LPCAT1: variants seen among roughly 807,000 people sequenced by gnomAD.
LPCAT1 encodes the protein lysophosphatidylcholine acyltransferase 1.
In LPCAT1, 23 loss-of-function variants were observed where a neutral mutation model predicts 60.9. The ratio of observed to expected loss-of-function variants is 0.38; its 90% confidence interval spans 0.27 to 0.53. LPCAT1 has a LOEUF of 0.53. Among genes scored for constraint, LPCAT1 ranks in the 20% least tolerant of loss-of-function variants. The probability of loss-of-function intolerance (pLI) is 0.82; values close to 1 mark genes in which losing one functional copy is unlikely to be tolerated. For missense variants in LPCAT1, 622 were observed against 723.6 expected (o/e 0.86, Z 1.61); for synonymous variants, 340 against 301.1 (o/e 1.13, Z -1.34).
At chr5:1,486,949 T>G (rs1165151935) in intron 5 of LPCAT1, among the ~76,000 whole-genome samples, 2 of 152,198 alleles carry the variant, frequency 1.3e-5, no homozygotes, top group Non-Finnish European at 2.9e-5. Flanking sequence ...GAGCTCCTAC[T>G]GGGCACCGCC....
rs748237543 is a variant in LPCAT1 at position 1,481,021 on chromosome 5, A to G, written c.727-45T>C. 3.8e-6 allele frequency: 4 copies of G among 1,060,202 alleles called. No homozygotes were observed. Among genetic ancestry groups the G allele is most frequent in the Admixed American group, 3.0e-5 (1 of 33,624 alleles). 65.7% of individuals were successfully genotyped at this position (1,060,202 alleles called of 1,614,324 possible). The stretch of plus-strand genomic sequence containing the variant: ...GTCAGTCAGCATGGGGCCTGCACCC[A>G]GGGCCTGCACCAAGCACCTGCGTGT... On this transcript the variant is annotated intron_variant, in intron 6 of 13. Transcript: ENST00000283415. The surrounding 1 kb of genome is among the most constrained non-coding windows in gnomAD (Gnocchi z 7.8).
In LPCAT1 at chr5:1,463,411, G is replaced by C. The variant is rs1734187509; in HGVS notation, c.*240C>G. On this transcript the variant is annotated 3_prime_UTR_variant, in exon 14 of 14. Transcript: ENST00000283415. ...CCGGCAGGGAACCTGACCCCACGGG[G>C]TCCAGGCCAGGCGGGGGATCCGCGT... is the stretch of plus-strand genomic sequence containing the variant. The C allele has an allele frequency of 1.9e-6, 1 of 534,038 alleles. No individual in the cohort carries two copies. The highest frequency in any genetic ancestry group is 3.5e-5 in the Admixed American group (1 of 28,356). 33.1% of individuals were successfully genotyped at this position (534,038 alleles called of 1,614,324 possible).
intron 12 of LPCAT1, among the ~76,000 whole-genome samples, chr5:1,470,508 G>T (rs1417147101): frequency 6.6e-6 from 1 of 152,224 alleles, no homozygotes; most frequent in African/African-American, 2.4e-5. Context: ...AGGACAAGGT[G>T]TGTGGCCCCT....
intron 4 of LPCAT1, 86 bp downstream of exon 4, chr5:1,489,660 G>A (rs1735499712): frequency 2.0e-6 from 2 of 987,818 alleles, no homozygotes; most frequent in Non-Finnish European, 1.6e-6. Context: ...CCCGGAGGAA[G>A]GGCCCCAGTT....
Position 1,474,128 on chromosome 5 carries a change from G to A in LPCAT1, c.1026-18C>T, listed in dbSNP as rs756748147. 6.2e-7 allele frequency: 1 copy of A among 1,602,840 alleles called. No individual in the cohort carries two copies. Among genetic ancestry groups the A allele is most frequent in the Non-Finnish European group, 8.5e-7 (1 of 1,173,218 alleles). ...GTTTTAGCCTAGACAAAAAAAGAGG[G>A]AAAGCTTTCTTTTTCAATAAAATGG... is the stretch of plus-strand genomic sequence containing the variant. On this transcript the variant is annotated intron_variant, in intron 10 of 13. Transcript: ENST00000283415.
At chr5:1,510,068 C>T (rs978270335) in intron 1 of LPCAT1, among the ~76,000 whole-genome samples, 4 of 151,956 alleles carry the variant, frequency 2.6e-5, no homozygotes, top group Admixed American at 6.6e-5. Context: ...CATCTTGTGC[C>T]AAATTTATGG....
intron 13 of LPCAT1, among the ~76,000 whole-genome samples, chr5:1,464,816 C>T (rs906656748): frequency 3.3e-5 from 5 of 151,238 alleles, no homozygotes; most frequent in African/African-American, 7.3e-5. Context: ...AGCACACACA[C>T]GGTAATCACA....
chr5:1,518,139 CCCACAGGGTGGGGGATG>C (rs1736562204), intron 1 of LPCAT1, among the ~76,000 whole-genome samples: 1 of 152,214 alleles, frequency 6.6e-6, no homozygotes, highest in Admixed American at 6.5e-5. Flanking sequence ...GACCCTGGGT[CCCACAGGGTGGGGGATG>C]CACCGTGGCC....
intron 11 of LPCAT1, among the ~76,000 whole-genome samples, chr5:1,472,214 G>C (rs13186893): frequency 6.6e-6 from 1 of 151,248 alleles, no homozygotes; most frequent in African/African-American, 2.4e-5. Context: ...GGAGCACCCA[G>C]GGGCGGAGGG....
intron 8 of LPCAT1, among the ~76,000 whole-genome samples, chr5:1,478,451 A>T (rs1205074791): frequency 6.6e-6 from 1 of 152,280 alleles, no homozygotes; most frequent in African/African-American, 2.4e-5. Flanking sequence ...AACTCTTAAA[A>T]TTAGAAACCA....
At chr5:1,486,912 G>A (rs1328926222) in intron 5 of LPCAT1, among the ~76,000 whole-genome samples, 1 of 152,178 alleles carries the variant, frequency 6.6e-6, no homozygotes, top group Non-Finnish European at 1.5e-5. Flanking sequence ...GGGGCACAGC[G>A]AGCGCCCTTC....
rs775755571 is a variant in LPCAT1, at chr5:1,487,748, C to T, written c.667+643G>A. 3.3e-5 allele frequency among the ~76,000 whole-genome samples: 5 copies of T among 152,062 alleles called. No homozygotes were observed. The highest frequency in any genetic ancestry group is 2.1e-4 in the South Asian group (1 of 4,820). The stretch of plus-strand genomic sequence containing the variant: ...ACTTTCTAAAGTAGCCCAAGGGAGA[C>T]GACAGGATCCAGGTGGACCCTCTGA... On this transcript the variant is annotated intron_variant, in intron 5 of 13. Coordinates refer to ENST00000283415, the MANE Select transcript of LPCAT1 (RefSeq NM_024830.5). The surrounding 1 kb of genome is among the most constrained non-coding windows in gnomAD (Gnocchi z 6.1).
At position 1,523,760 on chromosome 5, in the gene LPCAT1, GC is replaced by G; in HGVS notation, c.84del (p.Arg29GlyfsTer21). The G allele has an allele frequency of 8.6e-7, 1 of 1,159,676 alleles. No individual in the cohort carries two copies. Among genetic ancestry groups the G allele is most frequent in the Non-Finnish European group, 1.1e-6 (1 of 936,670 alleles). The allele number at this position is 1,159,676 out of a possible 1,614,324, so 71.8% of individuals were successfully genotyped here. A position where few individuals can be genotyped will look rare whatever the true frequency, so the allele number is the denominator to read the frequency against. On this transcript the variant is annotated frameshift_variant, in exon 1 of 14. Coordinates refer to ENST00000283415, the MANE Select transcript of LPCAT1 (RefSeq NM_024830.5). LOFTEE classifies it high-confidence loss of function. This position sits in a 1 kb window ranked among gnomAD's most constrained non-coding sequence, Gnocchi z 7.1. Reference sequence around the variant, plus strand: ...CGCAGCTCGTGCACGAAGGGGTTCCGCCCCGGGGGCGCCAGCAGCCGAGCGT... The same window carrying G: ...CGCAGCTCGTGCACGAAGGGGTTCCGCCCGGGGGCGCCAGCAGCCGAGCGT... ...ASDARLLAPP[G>X]RNPFVHELRL...
chr5:1,467,505 C>T (rs1024223677), intron 12 of LPCAT1, among the ~76,000 whole-genome samples: 13 of 152,048 alleles, frequency 8.5e-5, no homozygotes, highest in Non-Finnish European at 1.8e-4. Flanking sequence ...AGCGGCGGCT[C>T]CGGCCCTCTC....
intron 3 of LPCAT1, among the ~76,000 whole-genome samples, chr5:1,492,966 G>T (rs6869707): frequency 6.6e-6 from 1 of 152,074 alleles, no homozygotes; most frequent in Non-Finnish European, 1.5e-5. Flanking sequence ...ACAGTGGGGG[G>T]GCAAATGTGG....
intron 1 of LPCAT1, among the ~76,000 whole-genome samples, chr5:1,516,534 C>T (rs970931114): frequency 2.0e-5 from 3 of 152,226 alleles, no homozygotes; most frequent in Non-Finnish European, 2.9e-5. Flanking sequence ...CTCCCTGGCT[C>T]CAGGGCCCTT....
intron 1 of LPCAT1, among the ~76,000 whole-genome samples, chr5:1,514,550 C>T (rs542489407): frequency 1.8e-4 from 27 of 152,314 alleles, no homozygotes; most frequent in African/African-American, 6.0e-4. Flanking sequence ...GAACCAAACG[C>T]CCCACACCCT....
intron 1 of LPCAT1, among the ~76,000 whole-genome samples, chr5:1,520,876 A>AAAG (rs1736653462): frequency 2.0e-5 from 3 of 149,334 alleles, no homozygotes; most frequent in African/African-American, 7.5e-5. Context: ...AAAAAAAAAA[A>AAAG]AAAGAAAAAG....
intron 8 of LPCAT1, 78 bp downstream of exon 8, chr5:1,479,543 A>C: frequency 9.5e-7 from 1 of 1,051,336 alleles, no homozygotes. Flanking sequence ...TACAAGGCTT[A>C]TCTGGGCATC....
Sources: gnomAD v4.1 joint callset for allele counts (sites outside exome capture counted in the v4.1 genomes callset) on GRCh38, gnomAD v4.1.1 for gene constraint, Gnocchi (gnomAD v3.1) non-coding constraint, MANE v1.5 for transcripts, NCBI Gene and HGNC (gene_info 2026-07-23, HGNC 2026-07-21) for gene names.